The following THRB variants were observed in gnomAD, a reference collection of about 807,000 sequenced individuals.
THRB encodes the protein nuclear receptor subfamily 1 group A member 2.
In THRB, 12 loss-of-function variants were observed where a neutral mutation model predicts 47.8. The ratio of observed to expected loss-of-function variants is 0.25; its 90% confidence interval spans 0.16 to 0.41. THRB has a LOEUF of 0.41. THRB is among the 10% of genes least tolerant of loss of function. The pLI, the probability that THRB is intolerant of heterozygous loss-of-function variation, is 1.00. For missense variants in THRB, 348 were observed against 589.2 expected (o/e 0.59, Z 4.24); for synonymous variants, 218 against 212.2 (o/e 1.03, Z -0.24).
Position 24,297,868 on chromosome 3 carries a change from C to T in THRB, c.-188-497G>A, listed in dbSNP as rs1052839190. On this transcript the variant is annotated intron_variant, in intron 2 of 10. Coordinates refer to ENST00000646209, the MANE Select transcript of THRB (RefSeq NM_001354712.2). ...TTTTAAATGCCTCAGGTGATTCCAA[C>T]TTGTAGCACGTGTAAGGGCCCGTGC... 6.4e-4 allele frequency among the ~76,000 whole-genome samples: 98 copies of T among 152,174 alleles called. 1 individual carries two copies. Among genetic ancestry groups the T allele is most frequent in the African/African-American group, 2.2e-3 (91 of 41,436 alleles).
intron 1 of THRB, among the ~76,000 whole-genome samples, chr3:24,398,907 G>A (rs2067184128): frequency 6.6e-6 from 1 of 152,098 alleles, no homozygotes; most frequent in Non-Finnish European, 1.5e-5. Flanking sequence ...CATAAAAAAT[G>A]ATGAGTTCAT....
At chr3:24,367,222 C>T (rs1018020795) in intron 1 of THRB, among the ~76,000 whole-genome samples, 1 of 152,152 alleles carries the variant, frequency 6.6e-6, no homozygotes, top group Non-Finnish European at 1.5e-5. Context: ...TCAACGAATA[C>T]ACTGAAGAGG....
chr3:24,174,188 T>G (rs1182732783), intron 5 of THRB, among the ~76,000 whole-genome samples: 1 of 152,130 alleles, frequency 6.6e-6, no homozygotes, highest in Non-Finnish European at 1.5e-5. Flanking sequence ...CCACATTTTT[T>G]TAATAGATGA....
At chr3:24,238,741 G>T (rs1452666091) in intron 3 of THRB, among the ~76,000 whole-genome samples, 2 of 152,096 alleles carry the variant, frequency 1.3e-5, no homozygotes, top group African/African-American at 2.4e-5. Flanking sequence ...GGGATAAAAA[G>T]AATAATCTTC....
intron 1 of THRB, among the ~76,000 whole-genome samples, chr3:24,395,713 A>T (rs1238248086): frequency 1.3e-5 from 2 of 152,170 alleles, no homozygotes; most frequent in Non-Finnish European, 1.5e-5. Flanking sequence ...CAGTTTCTCC[A>T]ATAGTTAAAC....
chr3:24,432,658 T>G (rs2070555907), intron 1 of THRB, among the ~76,000 whole-genome samples: 2 of 152,130 alleles, frequency 1.3e-5, no homozygotes, highest in African/African-American at 4.8e-5. Flanking sequence ...GAGAAGAGAT[T>G]AGGAGAACTG....
At chr3:24,165,406 G>A in intron 5 of THRB, 1 of 718,106 alleles carries the variant, frequency 1.4e-6, no homozygotes, top group South Asian at 1.5e-5. Flanking sequence ...GTCTACGCAT[G>A]CATTCTCCAG....
chr3:24,227,194 A>T (rs2047741643), intron 4 of THRB, among the ~76,000 whole-genome samples: 1 of 152,204 alleles, frequency 6.6e-6, no homozygotes, highest in Non-Finnish European at 1.5e-5. Context: ...ACCTGCTCTC[A>T]CACTGTCCTC....
At chr3:24,289,011 C>T (rs1048211057) in intron 3 of THRB, among the ~76,000 whole-genome samples, 1 of 152,162 alleles carries the variant, frequency 6.6e-6, no homozygotes, top group Non-Finnish European at 1.5e-5. Context: ...TAAAGCCCTT[C>T]TGATTTCTGA....
intron 1 of THRB, among the ~76,000 whole-genome samples, chr3:24,481,229 G>GC (rs1429031940): frequency 1.8e-5 from 1 of 55,380 alleles, no homozygotes; most frequent in Non-Finnish European, 3.3e-5. Flanking sequence ...GTTTCTTTCT[G>GC]TTTTTTTTTT....
intron 1 of THRB, among the ~76,000 whole-genome samples, chr3:24,405,859 C>T (rs1438923628): frequency 6.6e-6 from 1 of 151,436 alleles, no homozygotes; most frequent in East Asian, 1.9e-4. Context: ...TTCTTTCTGT[C>T]AATTAGTATA....
intron 3 of THRB, among the ~76,000 whole-genome samples, chr3:24,256,855 G>C (rs915848817): frequency 1.3e-5 from 2 of 152,224 alleles, no homozygotes; most frequent in Admixed American, 6.5e-5. Flanking sequence ...TACAGAAAGT[G>C]GAAGAGTATG....
intron 2 of THRB, among the ~76,000 whole-genome samples, chr3:24,336,878 C>T (rs1295361714): frequency 1.3e-5 from 2 of 152,052 alleles, no homozygotes; most frequent in East Asian, 1.9e-4. Context: ...CCCACCACCA[C>T]GCCTGGCTAA....
intron 1 of THRB, among the ~76,000 whole-genome samples, chr3:24,391,118 G>C (rs1390016737): frequency 6.6e-6 from 1 of 152,124 alleles, no homozygotes; most frequent in Non-Finnish European, 1.5e-5. Flanking sequence ...TTGGTCTTGG[G>C]AAACTTCTTT....
chr3:24,264,185 T>C (rs565004635), intron 3 of THRB, among the ~76,000 whole-genome samples: 37 of 152,132 alleles, frequency 2.4e-4, no homozygotes, highest in Non-Finnish European at 5.1e-4. Flanking sequence ...CCTCCTTCTT[T>C]TCCTCAAATA....
At chr3:24,261,854 C>T (rs1344901682) in intron 3 of THRB, among the ~76,000 whole-genome samples, 2 of 152,224 alleles carry the variant, frequency 1.3e-5, no homozygotes, top group African/African-American at 2.4e-5. Context: ...TGATTTTTCT[C>T]ACTGAACAAT....
intron 3 of THRB, among the ~76,000 whole-genome samples, chr3:24,233,560 G>GAAGAAAGAAAAGAAAGAAAGAAAGA (rs1553658176): frequency 1.3e-5 from 1 of 77,302 alleles, no homozygotes; most frequent in African/African-American, 4.7e-5. Flanking sequence ...AAAGAAAAAG[G>GAAGAAAGAAAAGAAAGAAAGAAAGA]AAGAAAGAAA....
At chr3:24,278,578 T>C (rs896283750) in intron 3 of THRB, among the ~76,000 whole-genome samples, 3 of 152,162 alleles carry the variant, frequency 2.0e-5, no homozygotes, top group Admixed American at 6.5e-5. Flanking sequence ...CCTAGGATTA[T>C]AGAAAAGAAA....
intron 3 of THRB, among the ~76,000 whole-genome samples, chr3:24,230,969 G>A (rs1394728141): frequency 6.6e-6 from 1 of 152,204 alleles, no homozygotes; most frequent in African/African-American, 2.4e-5. Flanking sequence ...AGGTGAGAGA[G>A]AGGATCCATC....
Sources: allele counts gnomAD v4.1 joint callset (sites outside exome capture counted in the v4.1 genomes callset), GRCh38; gene constraint gnomAD v4.1.1; transcripts MANE v1.5; gene names NCBI Gene and HGNC (gene_info 2026-07-23, HGNC 2026-07-21).